The following IQSEC1 variants were observed in gnomAD, a reference collection of about 807,000 sequenced individuals.
IQSEC1 encodes IQ motif and SEC7 domain-containing protein 1.
In IQSEC1, 31 loss-of-function variants were observed where a neutral mutation model predicts 91.0. The observed-to-expected ratio is 0.34, with a 90% CI of 0.26 to 0.46. IQSEC1 has a LOEUF of 0.46. Ranked by LOEUF, IQSEC1 falls within the 20% of genes least tolerant of loss-of-function variation. The pLI, the probability that IQSEC1 is intolerant of heterozygous loss-of-function variation, is 1.00. For missense variants in IQSEC1, 1,388 were observed against 1,575.6 expected, an observed-to-expected ratio of 0.88 and a Z score of 2.02; for synonymous variants, 699 against 662.6, an observed-to-expected ratio of 1.05 and a Z score of -0.84.
At chr3:13,231,493 C>G (rs1342481594) in intron 1 of IQSEC1, among the ~76,000 whole-genome samples, 1 of 152,156 alleles carries the variant, frequency 6.6e-6, no homozygotes, top group Non-Finnish European at 1.5e-5. Flanking sequence ...TTTCTCATCT[C>G]TTTTTATAAG....
Position 12,985,917 on chromosome 3 carries a change from C to T in IQSEC1, c.24-44052G>A, listed in dbSNP as rs1034211830. 5.3e-5 allele frequency among the ~76,000 whole-genome samples: 8 copies of T among 152,298 alleles called. No individual in the cohort carries two copies. In the Middle Eastern group the frequency reaches 0.01, roughly 194 times the overall value. On this transcript the variant is annotated intron_variant, in intron 1 of 13. Coordinates refer to ENST00000613206, the MANE Select transcript of IQSEC1 (RefSeq NM_001134382.3). ...ATGGCCCAGGCAGAAAAGAAAGAGA[C>T]AGGAGCTCAGAATTTCAGAAGATGA...
intron 1 of IQSEC1, among the ~76,000 whole-genome samples, chr3:13,061,224 A>C (rs1483889656): frequency 6.6e-6 from 1 of 152,150 alleles, no homozygotes; most frequent in African/African-American, 2.4e-5. Flanking sequence ...AGCCGGCAGC[A>C]TGGGCATGAC....
At position 12,967,646 on chromosome 3, in the gene IQSEC1, AG is replaced by A; in HGVS notation, c.24-25782del. On this transcript the variant is annotated intron_variant, in intron 1 of 13. Transcript: ENST00000613206. The surrounding 1 kb of genome is among the most constrained non-coding windows in gnomAD (Gnocchi z 5.9). ...TCCCGCGGCTCCGGCCCCAAGTCCG[AG>A]CCCCAGGCCAGCCAAGCCCGCCCCT... The A allele has an allele frequency of 8.2e-7, 1 of 1,213,658 alleles. No individual in the cohort carries two copies. The highest frequency in any genetic ancestry group is 1.0e-6 in the Non-Finnish European group (1 of 977,140). 75.2% of individuals were successfully genotyped at this position (1,213,658 alleles called of 1,614,324 possible).
At chr3:13,094,141 G>A (rs1254145153) in intron 2 of IQSEC1, among the ~76,000 whole-genome samples, 1 of 152,178 alleles carries the variant, frequency 6.6e-6, no homozygotes, top group Non-Finnish European at 1.5e-5. Context: ...ATCCGATCAG[G>A]GTCCTCACTG....
chr3:12,946,141 G>C lies in IQSEC1; in HGVS notation c.24-4276C>G, dbSNP rs112173900. On this transcript the variant is annotated intron_variant, in intron 1 of 13. Transcript: ENST00000613206. Reference sequence around the variant, plus strand: ...GGTCACATTTTACCAGCATACATGAGTCTCTAGGTGGGACTTTTGGGTTAG... The same window carrying C: ...GGTCACATTTTACCAGCATACATGACTCTCTAGGTGGGACTTTTGGGTTAG... 6.3e-3 allele frequency among the ~76,000 whole-genome samples: 957 copies of C among 152,306 alleles called. 3 individuals are homozygous for C. Among genetic ancestry groups the C allele is most frequent in the South Asian group, 0.012 (59 of 4,816 alleles).
intron 1 of IQSEC1, among the ~76,000 whole-genome samples, chr3:13,196,143 C>T (rs1694121167): frequency 6.6e-6 from 1 of 152,206 alleles, no homozygotes; most frequent in Non-Finnish European, 1.5e-5. Flanking sequence ...TGAACCCAGC[C>T]ACCATGCTGT....
At chr3:12,995,145 G>A (rs1702179613) in intron 1 of IQSEC1, 1 of 152,240 alleles carries the variant, frequency 6.6e-6, no homozygotes, top group African/African-American at 2.4e-5. Flanking sequence ...GCGCCCCCTG[G>A]TGCCCGGAGG....
At chr3:13,059,522 C>T (rs1411284396) in intron 1 of IQSEC1, among the ~76,000 whole-genome samples, 1 of 152,232 alleles carries the variant, frequency 6.6e-6, no homozygotes, top group Admixed American at 6.5e-5. Context: ...CTTCAGGAGG[C>T]TGAGGCAGGA....
At chr3:13,171,714 T>A (rs1304453682) in intron 1 of IQSEC1, among the ~76,000 whole-genome samples, 1 of 152,188 alleles carries the variant, frequency 6.6e-6, no homozygotes, top group Non-Finnish European at 1.5e-5. Context: ...CTATAATGCT[T>A]AAATGCCTCT....
intron 2 of IQSEC1, among the ~76,000 whole-genome samples, chr3:12,939,844 G>T (rs898529356): frequency 2.0e-5 from 3 of 152,172 alleles, no homozygotes; most frequent in African/African-American, 7.2e-5. Context: ...CCTAGAGTTT[G>T]CATTACTTTC....
intron 2 of IQSEC1, among the ~76,000 whole-genome samples, chr3:13,135,339 A>C (rs953675400): frequency 1.3e-5 from 2 of 152,260 alleles, no homozygotes; most frequent in African/African-American, 4.8e-5. Flanking sequence ...GGTGGGGCTC[A>C]GGAGTGGAGC....
chr3:13,176,753 T>C (rs1693738216), intron 1 of IQSEC1, among the ~76,000 whole-genome samples: 1 of 152,210 alleles, frequency 6.6e-6, no homozygotes. Context: ...GCGAGGTCCG[T>C]GCATTTAGGC....
intron 3 of IQSEC1, among the ~76,000 whole-genome samples, chr3:12,930,854 G>A (rs1429856685): frequency 6.6e-6 from 1 of 152,158 alleles, no homozygotes; most frequent in Non-Finnish European, 1.5e-5. Context: ...TTAACTGCTT[G>A]TGGGGGTGAG....
At position 12,940,722 on chromosome 3, in the gene IQSEC1, A is replaced by G. The variant is rs1032319445; in HGVS notation, c.318+849T>C. Among the ~76,000 whole-genome samples the G allele has an allele frequency of 6.6e-6, 1 of 152,150 alleles. No individual in the cohort carries two copies. Among genetic ancestry groups the G allele is most frequent in the East Asian group, 1.9e-4 (1 of 5,186 alleles). On this transcript the variant is annotated intron_variant, in intron 2 of 13. Transcript: ENST00000613206. This position sits in a 1 kb window ranked among gnomAD's most constrained non-coding sequence, Gnocchi z 4.4. ...GTTCTCTTGAAGCCTCAAACTGCTA[A>G]GCGGCTTGTCCATGCACTGGCCCAC...
chr3:13,048,711 G>A lies in IQSEC1; in HGVS notation c.23+24281C>T, dbSNP rs1005202864. Among the ~76,000 whole-genome samples, 15 of 152,308 alleles carry A rather than the reference G, an allele frequency of 9.8e-5. 1 individual carries two copies. The highest frequency in any genetic ancestry group is 3.9e-4 in the Admixed American group (6 of 15,302). ...GTGTCCCATGCTGGCCTGTGATTCCGCTACTTCCTGTCTAGCTGCCATTGT... is the reference window on the plus strand; with the variant it reads ...GTGTCCCATGCTGGCCTGTGATTCCACTACTTCCTGTCTAGCTGCCATTGT... On this transcript the variant is annotated intron_variant, in intron 1 of 13. Transcript: ENST00000613206.
chr3:13,141,577 T>C (rs998188167), intron 2 of IQSEC1, among the ~76,000 whole-genome samples: 1 of 152,224 alleles, frequency 6.6e-6, no homozygotes, highest in South Asian at 2.1e-4. Flanking sequence ...GACTGACAAA[T>C]GACTGGCAGG....
chr3:12,984,975 C>A (rs1451919455), intron 1 of IQSEC1, among the ~76,000 whole-genome samples: 1 of 151,752 alleles, frequency 6.6e-6, no homozygotes, highest in Non-Finnish European at 1.5e-5. Context: ...CAGGCGCCCA[C>A]CACCACGCCC....
At chr3:13,074,396 G>A (rs955950024), upstream of IQSEC1, among the ~76,000 whole-genome samples, 2 of 152,082 alleles carry the variant, frequency 1.3e-5, no homozygotes, top group Admixed American at 1.3e-4. Context: ...ATCCATCCTC[G>A]GCTCCCACAC....
upstream of IQSEC1, among the ~76,000 whole-genome samples, chr3:13,073,485 G>T (rs1344803249): frequency 2.0e-5 from 3 of 152,154 alleles, no homozygotes; most frequent in Non-Finnish European, 4.4e-5. Flanking sequence ...AAGGAGCAAC[G>T]TAGTGCGGCC....
Sources: allele counts gnomAD v4.1 joint callset (sites outside exome capture counted in the v4.1 genomes callset), GRCh38; gene constraint gnomAD v4.1.1; non-coding constraint Gnocchi (gnomAD v3.1); transcripts MANE v1.5; gene names NCBI Gene and HGNC (gene_info 2026-07-23, HGNC 2026-07-21).